Variants in FBXL3 observed in about 807,000 individuals in gnomAD.
FBXL3 encodes F-box and leucine rich repeat protein 3, also known as F-box/LRR-repeat protein 3.
In FBXL3, 14 loss-of-function variants were observed where a neutral mutation model predicts 37.9. The ratio of observed to expected loss-of-function variants is 0.37; its 90% CI spans 0.24 to 0.58. The LOEUF is 0.58. Among genes scored for constraint, FBXL3 ranks in the 20% least tolerant of loss-of-function variants. FBXL3 has a pLI of 0.74. For synonymous variants in FBXL3, 194 were observed against 180.1 expected (o/e 1.08, Z -0.62); for missense variants, 327 against 511.1 (o/e 0.64, Z 3.47).
chr13:77,023,345 A>T (rs73239422), intron 1 of FBXL3, among the ~76,000 whole-genome samples: 12,309 of 147,468 alleles, frequency 0.083, 554 homozygotes, highest in Middle Eastern at 0.16. Context: ...AGAGAGAGAG[A>T]GTGTGTGTGT....
intron 2 of FBXL3, among the ~76,000 whole-genome samples, chr13:77,021,305 T>C (rs1166692825): frequency 1.3e-5 from 2 of 152,206 alleles, no homozygotes; most frequent in Non-Finnish European, 2.9e-5. Context: ...CTTTTGCTGT[T>C]TTAAGAAATT....
At chr13:77,020,754 C>T (rs1423377304) in intron 2 of FBXL3, among the ~76,000 whole-genome samples, 1 of 152,080 alleles carries the variant, frequency 6.6e-6, no homozygotes, top group Non-Finnish European at 1.5e-5. Context: ...TAAATAGAGA[C>T]AGGGTCTCGC....
rs2034434192 is a variant in FBXL3, at chr13:77,005,468, T to C, written c.*1677A>G. On this transcript the variant is annotated 3_prime_UTR_variant, in exon 5 of 5. Coordinates refer to ENST00000355619, the MANE Select transcript of FBXL3 (RefSeq NM_012158.4). Reference sequence around the variant, plus strand: ...ACTGTCAAATCCATTTTTCCAAAGTTGTTCAAGGAAAAACAACAACTTGAC... The same window carrying C: ...ACTGTCAAATCCATTTTTCCAAAGTCGTTCAAGGAAAAACAACAACTTGAC... The C allele has an allele frequency of 6.6e-6, 1 of 152,606 alleles. No homozygotes were observed. Among genetic ancestry groups the C allele is most frequent in the Non-Finnish European group, 1.5e-5 (1 of 67,988 alleles). The allele number at this position is 152,606 out of a possible 1,614,324, so 9.5% of individuals were successfully genotyped here.
intron 4 of FBXL3, among the ~76,000 whole-genome samples, chr13:77,012,527 T>G (rs1311103011): frequency 1.3e-5 from 2 of 152,184 alleles, no homozygotes; most frequent in Non-Finnish European, 2.9e-5. Context: ...GTTCATTAGT[T>G]CAACCTGATA....
intron 2 of FBXL3, among the ~76,000 whole-genome samples, chr13:77,020,457 C>T (rs1198179196): frequency 1.3e-5 from 2 of 152,262 alleles, no homozygotes; most frequent in Non-Finnish European, 2.9e-5. Flanking sequence ...CAGGTAATCT[C>T]CACCTAAGAG....
intron 1 of FBXL3, among the ~76,000 whole-genome samples, chr13:77,024,931 GAAGT>G (rs2034810077): frequency 6.6e-6 from 1 of 152,138 alleles, no homozygotes; most frequent in Admixed American, 6.5e-5. Context: ...GAAAATAACA[GAAGT>G]GAGTGGACAC....
chr13:77,025,687 C>CAA (rs35934318), intron 1 of FBXL3, among the ~76,000 whole-genome samples: 31,827 of 73,642 alleles, frequency 0.43, 8,486 homozygotes, highest in Non-Finnish European at 0.56. Context: ...GTCCTTGTCT[C>CAA]AAAAAAAAAA....
At chr13:77,013,946 T>C (rs1240986365) in intron 4 of FBXL3, 2 of 152,322 alleles carry the variant, frequency 1.3e-5, no homozygotes, top group Admixed American at 1.3e-4. Flanking sequence ...AAGAGAACTA[T>C]GAACTCACAG....
chr13:77,022,114 T>C (rs1350529873), intron 1 of FBXL3, among the ~76,000 whole-genome samples: 1 of 152,236 alleles, frequency 6.6e-6, no homozygotes, highest in Non-Finnish European at 1.5e-5. Context: ...ATACAGTATA[T>C]ACTACATGGG....
chr13:77,025,618 T>TC (rs2034822841), intron 1 of FBXL3, among the ~76,000 whole-genome samples: 1 of 123,930 alleles, frequency 8.1e-6, no homozygotes, highest in South Asian at 2.6e-4. Context: ...GAGCCTGGGG[T>TC]GGGAGGATCG....
chr13:77,011,857 C>T (rs75343734), intron 4 of FBXL3, among the ~76,000 whole-genome samples: 22 of 152,056 alleles, frequency 1.4e-4, no homozygotes, highest in Non-Finnish European at 2.8e-4. Flanking sequence ...CTGCTAGTGG[C>T]TATGTAAAGT....
At chr13:77,020,756 G>T (rs2034729038) in intron 2 of FBXL3, among the ~76,000 whole-genome samples, 1 of 152,058 alleles carries the variant, frequency 6.6e-6, no homozygotes, top group Non-Finnish European at 1.5e-5. Context: ...AATAGAGACA[G>T]GGTCTCGCTC....
In FBXL3 at chr13:77,014,514, A is replaced by G. The variant is rs561684327; in HGVS notation, c.643+895T>C. ...AATAGACCTAGCCATTCTCATCACC[A>G]GGAGTCTCCTGTGGGAGAAAAGAGA... On this transcript the variant is annotated intron_variant, in intron 4 of 4. Transcript: ENST00000355619. The G allele has an allele frequency of 7.9e-5, 12 of 152,376 alleles. No homozygotes were observed. In the East Asian group the frequency reaches 1.5e-3, roughly 20 times the overall value. The allele number at this position is 152,376 out of a possible 1,614,324, so 9.4% of individuals were successfully genotyped here.
chr13:77,015,452 G>A lies in FBXL3; in HGVS notation c.600C>T (p.Leu200=). 6.2e-7 allele frequency: 1 copy of A among 1,603,564 alleles called. No homozygotes were observed. Among genetic ancestry groups the A allele is most frequent in the Non-Finnish European group, 8.5e-7 (1 of 1,175,592 alleles). ...KVLVANNSDT[L]KLLKMSSCPH... is the part of the protein sequence containing the mutation. ...GACAGCTGCTCATTTTCAACAGCTT[G>A]AGTGTATCACTATTGTTGGCCACTA... The change falls in exon 4 of 5, where the codon CTC becomes CTT. Residue 200 remains leucine, a synonymous_variant. Transcript: ENST00000355619.
intron 4 of FBXL3, chr13:77,014,446 G>C (rs1380967834): frequency 6.6e-6 from 1 of 152,232 alleles, no homozygotes; most frequent in East Asian, 1.9e-4. Flanking sequence ...TTTTATAACA[G>C]GCAGTGGTAA....
chr13:77,017,097 T>A (rs1424815177), intron 3 of FBXL3: 1 of 152,138 alleles, frequency 6.6e-6, no homozygotes, highest in Non-Finnish European at 1.5e-5. Flanking sequence ...TCTCTTGGGA[T>A]TTCCAAAATA....
intron 1 of FBXL3, among the ~76,000 whole-genome samples, chr13:77,025,036 TA>T (rs979218019): frequency 1.9e-4 from 29 of 152,236 alleles, no homozygotes; most frequent in African/African-American, 6.0e-4. Context: ...TAAATCTATT[TA>T]CACATGAAAC....
chr13:77,022,528 G>A (rs916651187), intron 1 of FBXL3, among the ~76,000 whole-genome samples: 3 of 152,180 alleles, frequency 2.0e-5, no homozygotes, highest in African/African-American at 7.2e-5. Flanking sequence ...AATGCCTGAT[G>A]ATCTGAGGTG....
intron 1 of FBXL3, 57 bp from the exon 2 acceptor site, chr13:77,021,918 T>G: frequency 1.5e-6 from 2 of 1,351,938 alleles, no homozygotes; most frequent in Non-Finnish European, 2.0e-6. Flanking sequence ...AGAAATAAAC[T>G]CAAAATTCAT....
Sources: allele counts gnomAD v4.1 joint callset (sites outside exome capture counted in the v4.1 genomes callset), GRCh38; gene constraint gnomAD v4.1.1; transcripts MANE v1.5; gene names NCBI Gene and HGNC (gene_info 2026-07-23, HGNC 2026-07-21).